The following GPHN variants were observed in gnomAD, a reference collection of about 807,000 sequenced individuals.
The protein encoded by GPHN is gephyrin.
In GPHN, 17 loss-of-function variants were observed where a neutral mutation model predicts 95.5. The observed-to-expected ratio is 0.18, with a 90% CI of 0.12 to 0.27. The LOEUF (loss-of-function observed/expected upper bound fraction) is 0.27. GPHN is among the 10% of genes least tolerant of loss of function. The pLI, the probability that GPHN is intolerant of heterozygous loss-of-function variation, is 1.00. For missense variants in GPHN, 660 were observed against 978.1 expected (o/e 0.67, Z 4.34); for synonymous variants, 320 against 322.5 (o/e 0.99, Z 0.08).
At chr14:66,929,054 CT>C (rs147521541) in intron 8 of GPHN, among the ~76,000 whole-genome samples, 44,471 of 122,732 alleles carry the variant, frequency 0.36, 10,439 homozygotes, top group African/African-American at 0.68. Flanking sequence ...TCCAATGTTT[CT>C]TTTTTTTTTT....
At chr14:66,950,549 A>G (rs868167629) in intron 8 of GPHN, among the ~76,000 whole-genome samples, 2 of 152,188 alleles carry the variant, frequency 1.3e-5, no homozygotes, top group Admixed American at 6.5e-5. Flanking sequence ...TGTAATTCTC[A>G]GTTAGTGGCT....
intron 1 of GPHN, among the ~76,000 whole-genome samples, chr14:66,521,953 T>G (rs2058500497): frequency 6.6e-6 from 1 of 152,132 alleles, no homozygotes; most frequent in East Asian, 1.9e-4. Flanking sequence ...TGCTTCATTC[T>G]TTTTTTCCCT....
In GPHN at chr14:67,122,348, C is replaced by G. The variant is rs770786304; in HGVS notation, c.1719C>G (p.Pro573=). The G allele has an allele frequency of 2.5e-6, 4 of 1,612,878 alleles. No homozygotes were observed. In the South Asian group the frequency reaches 4.4e-5, roughly 18 times the overall value. ...CAACAATTCAGGAACATGGTTACCC[C>G]ACGATCAACTTGGGTATTGTAGGAG... ...LLATIQEHGY[P]TINLGIVGDN... is the part of the protein sequence containing the mutation. The change falls in exon 17 of 23, where the codon CCC becomes CCG. Residue 573 remains proline (P), a synonymous_variant. Coordinates refer to ENST00000478722, the MANE Select transcript of GPHN (RefSeq NM_020806.5).
intron 21 of GPHN, among the ~76,000 whole-genome samples, chr14:67,176,509 G>A (rs566918206): frequency 1.3e-3 from 201 of 152,150 alleles, no homozygotes; most frequent in Non-Finnish European, 2.5e-3. Flanking sequence ...TTGCATCAAT[G>A]TTCATCAGGA....
At chr14:66,752,026 T>G (rs2153448234) in intron 2 of GPHN, among the ~76,000 whole-genome samples, 1 of 152,242 alleles carries the variant, frequency 6.6e-6, no homozygotes, top group East Asian at 1.9e-4. Flanking sequence ...CCTCGTATGT[T>G]TTTGTTACAG....
the GPHN span, among the ~76,000 whole-genome samples, chr14:67,405,123 C>T: frequency 2.0e-5 from 3 of 149,914 alleles, no homozygotes; most frequent in East Asian, 2.0e-4. Flanking sequence ...ATCCCAGCTA[C>T]TCAGGAGGCT....
intron 2 of GPHN, among the ~76,000 whole-genome samples, chr14:66,773,390 A>T (rs576603983): frequency 7.8e-6 from 1 of 127,420 alleles, no homozygotes; most frequent in Non-Finnish European, 1.6e-5. Context: ...GCCTCGCTCT[A>T]TTGCTCAGGC....
At chr14:67,534,349 C>T in the GPHN span, among the ~76,000 whole-genome samples, 1 of 152,130 alleles carries the variant, frequency 6.6e-6, no homozygotes, top group Non-Finnish European at 1.5e-5. Context: ...GAAGCCAAGG[C>T]AGGAGGAGAG....
At chr14:67,475,158 G>A in the GPHN span, among the ~76,000 whole-genome samples, 4 of 152,092 alleles carry the variant, frequency 2.6e-5, no homozygotes, top group Admixed American at 6.5e-5. Context: ...CAGGTGATCC[G>A]CCCGCCTTGG....
intron 10 of GPHN, among the ~76,000 whole-genome samples, chr14:67,049,549 T>C (rs1247636615): frequency 6.8e-6 from 1 of 147,636 alleles, no homozygotes; most frequent in Admixed American, 6.7e-5. Flanking sequence ...AGTCTCGCTC[T>C]GTTGCCAGGC....
the GPHN span, chr14:67,382,319 C>A: frequency 1.3e-6 from 1 of 755,022 alleles, no homozygotes; most frequent in Non-Finnish European, 2.1e-6. Flanking sequence ...AAATTACTGT[C>A]CTGTAGAATT....
Position 66,681,172 on chromosome 14 carries a change from C to G in GPHN, c.130C>G (p.Gln44Glu), listed in dbSNP as rs1308148334. Residue 44 changes from glutamine to glutamate, a missense_variant, in exon 2 of 23, where the codon CAA (glutamine) becomes GAA (glutamate). By Grantham distance (29) the Gln-to-Glu change is conservative. Around this residue, in one of 6 missense-constraint regions of GPHN, gnomAD observed 92 missense variants for 91.9 expected, o/e 1.00. Coordinates refer to ENST00000478722, the MANE Select transcript of GPHN (RefSeq NM_020806.5). Reference sequence around the variant, plus strand: ...TGGGATAAATCTCAAAGATCTCGTACAAGATCCTTCTTTGTGAGTATTGTG... The same window carrying G: ...TGGGATAAATCTCAAAGATCTCGTAGAAGATCCTTCTTTGTGAGTATTGTG... Reference protein sequence around the residue: ...RSGINLKDLVQDPSLLGGTIS... With the variant: ...RSGINLKDLVEDPSLLGGTIS... 3 of 1,580,346 alleles carry G rather than the reference C, an allele frequency of 1.9e-6. No homozygotes were observed. The highest frequency in any genetic ancestry group is 1.7e-5 in the Admixed American group (1 of 59,962).
chr14:66,896,043 C>T (rs1036628994), intron 5 of GPHN, among the ~76,000 whole-genome samples: 3 of 152,102 alleles, frequency 2.0e-5, no homozygotes, highest in Non-Finnish European at 4.4e-5. Flanking sequence ...TTTCTTGCTG[C>T]ATCTTCACGT....
chr14:67,562,526 A>T, the GPHN span: 1 of 1,609,716 alleles, frequency 6.2e-7, no homozygotes. Flanking sequence ...TGGGACAAAG[A>T]CCTCTGCCAG....
chr14:67,009,854 G>T (rs1486379191), intron 9 of GPHN, among the ~76,000 whole-genome samples: 4 of 152,034 alleles, frequency 2.6e-5, no homozygotes, highest in Admixed American at 2.0e-4. Context: ...CACCTCCCAG[G>T]TTCAAGCGAT....
intron 8 of GPHN, among the ~76,000 whole-genome samples, chr14:66,942,622 A>G (rs1158293566): frequency 2.6e-5 from 4 of 152,236 alleles, no homozygotes. Context: ...TTGATAGCAT[A>G]TACTTTAGAC....
At chr14:66,713,313 A>G (rs2069847537) in intron 2 of GPHN, among the ~76,000 whole-genome samples, 2 of 152,190 alleles carry the variant, frequency 1.3e-5, no homozygotes, top group African/African-American at 4.8e-5. Context: ...ATTTTTGTGT[A>G]AGGTGAGAGA....
chr14:66,649,347 CA>C (rs1566760175), intron 1 of GPHN, among the ~76,000 whole-genome samples: 1 of 150,850 alleles, frequency 6.6e-6, no homozygotes, highest in South Asian at 2.1e-4. Context: ...AAAAAAAAAA[CA>C]AAAACAAGCA....
intron 2 of GPHN, among the ~76,000 whole-genome samples, chr14:66,719,456 T>A (rs1228250754): frequency 6.6e-6 from 1 of 152,188 alleles, no homozygotes; most frequent in East Asian, 1.9e-4. Flanking sequence ...CCTTTCCCAC[T>A]TTCTCAGTTT....
Sources: gnomAD v4.1 joint callset for allele counts (sites outside exome capture counted in the v4.1 genomes callset) on GRCh38, gnomAD v4.1.1 for gene constraint, gnomAD v4.1.1 regional missense constraint, MANE v1.5 for transcripts, NCBI Gene and HGNC (gene_info 2026-07-23, HGNC 2026-07-21) for gene names.